ENOX2: variants seen among roughly 807,000 people sequenced by gnomAD.
ENOX2 encodes ecto-NOX disulfide-thiol exchanger 2, also known as APK1 antigen.
ENOX2 carries 36 observed loss-of-function variants against 45.0 expected under a neutral mutation model. The ratio of observed to expected loss-of-function variants is 0.80; its 90% CI spans 0.61 to 1.06. The LOEUF is 1.06. Ranked by LOEUF, ENOX2 falls within the 50% of genes least tolerant of loss-of-function variation. ENOX2 has a pLI of 0.00. For missense variants in ENOX2, 423 were observed against 462.5 expected, an observed-to-expected ratio of 0.91 and a Z score of 0.78; for synonymous variants, 174 against 152.3, an observed-to-expected ratio of 1.14 and a Z score of -1.05.
At chrX:130,887,629 T>C (rs991941699) in intron 2 of ENOX2, among the ~76,000 whole-genome samples, 3 of 111,486 alleles carry the variant, frequency 2.7e-5, no homozygotes, top group Non-Finnish European at 5.7e-5. Flanking sequence ...CGGACACTTA[T>C]AGGCTGAATT....
chrX:130,872,941 C>A (rs770020810), intron 2 of ENOX2, among the ~76,000 whole-genome samples: 3 of 111,898 alleles, frequency 2.7e-5, no homozygotes, highest in East Asian at 5.6e-4. Flanking sequence ...ACCATAAAAA[C>A]CCTAAAAGAA....
intron 2 of ENOX2, among the ~76,000 whole-genome samples, chrX:130,804,320 G>A (rs2077265031): frequency 9.1e-6 from 1 of 109,512 alleles, no homozygotes; most frequent in African/African-American, 3.5e-5. Flanking sequence ...ATTGCAGTTT[G>A]TCTCTAAGTC....
At chrX:130,663,429 G>T (rs1348122087) in intron 9 of ENOX2, among the ~76,000 whole-genome samples, 1 of 109,248 alleles carries the variant, frequency 9.2e-6, no homozygotes, top group Non-Finnish European at 1.9e-5. Context: ...TACTTGGGAG[G>T]CTGAGGCAGG....
Position 130,624,206 on chromosome X carries a change from C to T in ENOX2, c.*1108G>A, listed in dbSNP as rs1288733289. 8.9e-6 allele frequency: 1 copy of T among 111,886 alleles called. No individual in the cohort carries two copies. Among genetic ancestry groups the T allele is most frequent in the Non-Finnish European group, 1.9e-5 (1 of 53,250 alleles). 9.2% of individuals were successfully genotyped at this position (111,886 alleles called of 1,213,427 possible). On this transcript the variant is annotated 3_prime_UTR_variant, in exon 15 of 15. Transcript: ENST00000394363. ...CTCACATGCTGCCATTGCGATTTGC[C>T]GATGGGCACTACCAAGGTGTCTCTG...
At chrX:130,711,345 C>A (rs764261930) in intron 3 of ENOX2, among the ~76,000 whole-genome samples, 17 of 111,762 alleles carry the variant, frequency 1.5e-4, no homozygotes, top group Admixed American at 1.3e-3. Context: ...GCCACAGTCC[C>A]TCCTATTGCA....
intron 2 of ENOX2, among the ~76,000 whole-genome samples, chrX:130,899,895 T>C (rs1296697335): frequency 8.9e-6 from 1 of 112,315 alleles, no homozygotes; most frequent in African/African-American, 3.2e-5. Flanking sequence ...ATGCAGACTT[T>C]TAAAACAATT....
intron 3 of ENOX2, among the ~76,000 whole-genome samples, chrX:130,721,104 T>C (rs1034844736): frequency 9.0e-6 from 1 of 111,379 alleles, no homozygotes; most frequent in Admixed American, 9.5e-5. Flanking sequence ...TGTCTGCCAT[T>C]ATCTGAATAC....
intron 2 of ENOX2, among the ~76,000 whole-genome samples, chrX:130,800,481 A>C (rs1212998908): frequency 8.9e-6 from 1 of 111,874 alleles, no homozygotes; most frequent in Non-Finnish European, 1.9e-5. Context: ...CATTCATTTC[A>C]ATCTACTTTA....
chrX:130,663,930 A>T (rs1184230417), intron 9 of ENOX2, among the ~76,000 whole-genome samples: 1 of 112,035 alleles, frequency 8.9e-6, no homozygotes, highest in Non-Finnish European at 1.9e-5. Flanking sequence ...GGAGAAAGTG[A>T]TCAGTAAACA....
At chrX:130,642,963 T>TGTGAG (rs1325040718) in intron 10 of ENOX2, among the ~76,000 whole-genome samples, 2 of 111,732 alleles carry the variant, frequency 1.8e-5, no homozygotes, top group African/African-American at 3.2e-5. Context: ...CTGTAATATC[T>TGTGAG]GTGAGGTGAG....
At chrX:130,733,693 A>G (rs2038793361) in intron 3 of ENOX2, among the ~76,000 whole-genome samples, 1 of 112,673 alleles carries the variant, frequency 8.9e-6, no homozygotes, top group Non-Finnish European at 1.9e-5. Flanking sequence ...CAATCCAGAA[A>G]GATTACATAT....
chrX:130,735,590 T>A (rs2148302350), intron 3 of ENOX2, among the ~76,000 whole-genome samples: 1 of 111,900 alleles, frequency 8.9e-6, no homozygotes, highest in Admixed American at 9.4e-5. Context: ...TTTTCTGACA[T>A]AATAAAAGTA....
At chrX:130,754,922 C>CT (rs1053237569) in intron 3 of ENOX2, among the ~76,000 whole-genome samples, 5 of 111,972 alleles carry the variant, frequency 4.5e-5, no homozygotes, top group African/African-American at 1.6e-4. Context: ...CAGAGCATGT[C>CT]TTGTAAACCT....
chrX:130,693,385 T>C (rs888923319), intron 4 of ENOX2, among the ~76,000 whole-genome samples: 2 of 112,273 alleles, frequency 1.8e-5, no homozygotes, highest in East Asian at 5.6e-4. Context: ...CACATTCTAA[T>C]AGACCTGTGA....
In ENOX2 at chrX:130,679,625, A is replaced by G. The variant is rs1327100320; in HGVS notation, c.377T>C (p.Ile126Thr). Reference protein sequence around the residue: ...VEVFEQCGEIIAIRKSKKNFC... With the variant: ...VEVFEQCGEITAIRKSKKNFC... Reference sequence around the variant, plus strand: ...GTTCTTCTTGCTCTTGCGAATGGCAATGATCTCTCCACACTGCTCGAAAAC... The same window carrying G: ...GTTCTTCTTGCTCTTGCGAATGGCAGTGATCTCTCCACACTGCTCGAAAAC... Residue 126 changes from isoleucine to threonine, a missense_variant, in exon 6 of 15, where the codon ATT becomes ACT. Transcript: ENST00000394363. 8.3e-7 allele frequency: 1 copy of G among 1,210,753 alleles called. No individual in the cohort carries two copies. The highest frequency in any genetic ancestry group is 2.2e-5 in the Admixed American group (1 of 46,053).
intron 6 of ENOX2, among the ~76,000 whole-genome samples, chrX:130,674,985 A>G (rs1270108030): frequency 1.0e-5 from 1 of 97,833 alleles, no homozygotes; most frequent in African/African-American, 3.8e-5. Context: ...TCCATGGTGT[A>G]TATGTGCCAC....
intron 2 of ENOX2, among the ~76,000 whole-genome samples, chrX:130,878,301 CCTT>C (rs748489701): frequency 3.6e-5 from 4 of 111,502 alleles, no homozygotes; most frequent in Non-Finnish European, 7.5e-5. Flanking sequence ...ACAATTATGT[CCTT>C]CTCACTTCAA....
chrX:130,738,029 T>G (rs1032665686), intron 3 of ENOX2, among the ~76,000 whole-genome samples: 1 of 111,912 alleles, frequency 8.9e-6, no homozygotes, highest in Non-Finnish European at 1.9e-5. Flanking sequence ...TTAAGTGATT[T>G]GTTCAAGGCC....
At chrX:130,773,506 C>A (rs2039789120) in intron 3 of ENOX2, among the ~76,000 whole-genome samples, 1 of 112,162 alleles carries the variant, frequency 8.9e-6, no homozygotes, top group African/African-American at 3.2e-5. Context: ...ACATGTAAAG[C>A]ACTTGGTCAT....
Sources: gnomAD v4.1 joint callset for allele counts (sites outside exome capture counted in the v4.1 genomes callset) on GRCh38, gnomAD v4.1.1 for gene constraint, MANE v1.5 for transcripts, NCBI Gene and HGNC (gene_info 2026-07-23, HGNC 2026-07-21) for gene names.